UBE3A: variants seen among roughly 807,000 people sequenced by gnomAD.
UBE3A encodes ubiquitin protein ligase E3A, also known as ubiquitin-protein ligase E3A.
UBE3A carries 6 observed loss-of-function variants against 83.4 expected under a neutral mutation model. That is an observed-to-expected ratio of 0.07 (90% CI 0.04 to 0.14). UBE3A has a LOEUF of 0.14. Ranked by LOEUF, UBE3A falls within the 10% of genes least tolerant of loss-of-function variation. UBE3A has a pLI of 1.00. For synonymous variants in UBE3A, 337 were observed against 355.4 expected (o/e 0.95, Z 0.58); for missense variants, 456 against 1,036.1 (o/e 0.44, Z 7.69).
chr15:25,391,399 A>G (rs2084356979), intron 4 of UBE3A, among the ~76,000 whole-genome samples: 1 of 152,230 alleles, frequency 6.6e-6, no homozygotes, highest in East Asian at 1.9e-4. Flanking sequence ...ACAAGATGAA[A>G]AAGTTCTAGA....
At chr15:25,436,314 G>A (rs1270211516) in intron 1 of UBE3A, among the ~76,000 whole-genome samples, 1 of 152,150 alleles carries the variant, frequency 6.6e-6, no homozygotes, top group African/African-American at 2.4e-5. Flanking sequence ...AGCTGCATAT[G>A]TACATAATGT....
intron 1 of UBE3A, among the ~76,000 whole-genome samples, chr15:25,435,611 G>T (rs1040858814): frequency 2.6e-5 from 4 of 152,150 alleles, no homozygotes; most frequent in African/African-American, 9.7e-5. Context: ...AAGACAGCTA[G>T]CTATCTATGA....
intron 4 of UBE3A, among the ~76,000 whole-genome samples, chr15:25,385,551 T>C (rs999196971): frequency 7.9e-5 from 12 of 151,924 alleles, no homozygotes; most frequent in African/African-American, 2.2e-4. Flanking sequence ...CTCAAAAAAT[T>C]TGAAATAGAA....
intron 4 of UBE3A, among the ~76,000 whole-genome samples, chr15:25,387,706 A>T (rs2083425989): frequency 6.6e-6 from 1 of 152,222 alleles, no homozygotes; most frequent in African/African-American, 2.4e-5. Flanking sequence ...TGAAAAGATC[A>T]ATAAAATCAA....
At chr15:25,415,675 TTTA>T (rs767544272) in intron 1 of UBE3A, 15 of 152,066 alleles carry the variant, frequency 9.9e-5, no homozygotes, top group Non-Finnish European at 2.1e-4. Context: ...CATAAAATAA[TTTA>T]TTAATTTCTC....
At chr15:25,364,592 A>G (rs1355093578) in intron 6 of UBE3A, among the ~76,000 whole-genome samples, 2 of 151,076 alleles carry the variant, frequency 1.3e-5, no homozygotes, top group Non-Finnish European at 2.9e-5. Context: ...ACGTGCATGC[A>G]TGCCTGAATT....
At chr15:25,368,093 A>T (rs2079619714) in intron 6 of UBE3A, among the ~76,000 whole-genome samples, 1 of 152,102 alleles carries the variant, frequency 6.6e-6, no homozygotes, top group Non-Finnish European at 1.5e-5. Context: ...AGTCATAAAA[A>T]AGTGGCCACT....
chr15:25,410,498 G>T (rs376496656), intron 2 of UBE3A, among the ~76,000 whole-genome samples: 3 of 152,154 alleles, frequency 2.0e-5, no homozygotes, highest in African/African-American at 4.8e-5. Context: ...GGAAAGATGA[G>T]GAAATTAGGA....
intron 4 of UBE3A, among the ~76,000 whole-genome samples, chr15:25,397,500 C>A (rs1247170396): frequency 6.6e-6 from 1 of 152,032 alleles, no homozygotes; most frequent in East Asian, 1.9e-4. Flanking sequence ...ATAGGCTATC[C>A]CCCATCTTCA....
intron 5 of UBE3A, 107 bp downstream of exon 5, chr15:25,375,357 TC>T: frequency 7.3e-7 from 1 of 1,370,154 alleles, no homozygotes; most frequent in Non-Finnish European, 9.9e-7. Flanking sequence ...TTCTACGATA[TC>T]AAAATGTCTT....
intron 4 of UBE3A, among the ~76,000 whole-genome samples, chr15:25,390,864 C>T (rs8031756): frequency 0.96 from 145,071 of 151,772 alleles, 69,671 homozygotes; most frequent in East Asian, 1. Flanking sequence ...TGAGAGAATC[C>T]ATACATGTGT....
At chr15:25,399,878 G>C (rs183226755) in intron 4 of UBE3A, among the ~76,000 whole-genome samples, 24 of 152,122 alleles carry the variant, frequency 1.6e-4, no homozygotes, top group African/African-American at 5.5e-4. Context: ...TGCCTGGCCT[G>C]TCTACTTCTA....
chr15:25,405,100 T>G (rs559634436), intron 4 of UBE3A, among the ~76,000 whole-genome samples: 1 of 152,324 alleles, frequency 6.6e-6, no homozygotes, highest in Admixed American at 6.5e-5. Flanking sequence ...GAAAACTAAT[T>G]ATTACGCATC....
At chr15:25,377,684 C>G (rs966482324) in intron 4 of UBE3A, among the ~76,000 whole-genome samples, 1 of 152,032 alleles carries the variant, frequency 6.6e-6, no homozygotes, top group Non-Finnish European at 1.5e-5. Flanking sequence ...GTCTTAAAAA[C>G]ACGAATACCG....
intron 1 of UBE3A, among the ~76,000 whole-genome samples, chr15:25,414,072 T>C (rs1378003086): frequency 2.5e-4 from 38 of 152,334 alleles, no homozygotes; most frequent in Non-Finnish European, 4.4e-5. Context: ...ATGTCTGGCA[T>C]GGTATGCCTG....
intron 4 of UBE3A, among the ~76,000 whole-genome samples, chr15:25,388,631 C>G (rs1054058966): frequency 6.6e-6 from 1 of 151,934 alleles, no homozygotes; most frequent in Admixed American, 6.6e-5. Flanking sequence ...AAAGGGTATA[C>G]TAACGGGGAA....
intron 4 of UBE3A, chr15:25,393,782 A>C (rs2084929313): frequency 6.6e-6 from 1 of 152,188 alleles, no homozygotes; most frequent in Non-Finnish European, 1.5e-5. Context: ...ATGATGCTTC[A>C]GGTGGTAGAA....
chr15:25,368,174 A>T (rs1295774167), intron 6 of UBE3A, among the ~76,000 whole-genome samples: 2 of 152,142 alleles, frequency 1.3e-5, no homozygotes, highest in Non-Finnish European at 2.9e-5. Flanking sequence ...GATCTTGAAA[A>T]ATTCATCACT....
rs375997863 is a variant in UBE3A, at chr15:25,373,316, C to T, written c.362-1504G>A. 7.2e-5 allele frequency among the ~76,000 whole-genome samples: 11 copies of T among 152,168 alleles called. No homozygotes were observed. The East Asian group carries it at 7.7e-4, about 11-fold the overall frequency. On this transcript the variant is annotated intron_variant, in intron 5 of 12. Coordinates refer to ENST00000648336, the MANE Select transcript of UBE3A (RefSeq NM_130839.5). ...CTTCCTGAGCAAGTCATAAGGTTAA[C>T]AAAGACTTGCTTTGCATGCAGTAAT...
Sources: allele counts gnomAD v4.1 joint callset (sites outside exome capture counted in the v4.1 genomes callset), GRCh38; gene constraint gnomAD v4.1.1; transcripts MANE v1.5; gene names NCBI Gene and HGNC (gene_info 2026-07-23, HGNC 2026-07-21).